SLCO5A1: variants seen among roughly 807,000 people sequenced by gnomAD.
The protein encoded by SLCO5A1 is organic anion transporter polypeptide-related protein 4.
Under a neutral mutation model 65.1 loss-of-function variants are expected in SLCO5A1, and 39 were observed. The ratio of observed to expected loss-of-function variants is 0.60; its 90% confidence interval spans 0.46 to 0.78. The LOEUF (loss-of-function observed/expected upper bound fraction) is 0.78. SLCO5A1 is among the 30% of genes least tolerant of loss of function. The probability of loss-of-function intolerance (pLI) is 0.00; values close to 1 mark genes in which losing one functional copy is unlikely to be tolerated. For missense variants in SLCO5A1, 1,029 were observed against 1,069.4 expected, an observed-to-expected ratio of 0.96 and a Z score of 0.53; for synonymous variants, 438 against 415.7, an observed-to-expected ratio of 1.05 and a Z score of -0.65.
intron 2 of SLCO5A1, among the ~76,000 whole-genome samples, chr8:69,810,842 T>G (rs186820319): frequency 6.6e-6 from 1 of 152,316 alleles, no homozygotes; most frequent in Admixed American, 6.5e-5. Context: ...GAAGACACTA[T>G]GAAACAACCC....
chr8:69,712,447 A>G (rs1318444873), intron 5 of SLCO5A1, among the ~76,000 whole-genome samples: 5 of 152,188 alleles, frequency 3.3e-5, no homozygotes, highest in African/African-American at 1.2e-4. Flanking sequence ...ATTTTTGCCA[A>G]TTTGTATTGT....
At chr8:69,678,067 C>T (rs9298151) in intron 8 of SLCO5A1, among the ~76,000 whole-genome samples, 26,080 of 152,098 alleles carry the variant, frequency 0.17, 2,538 homozygotes, top group South Asian at 0.25. Context: ...AATGTATCAG[C>T]GTGGCAGGCC....
At chr8:69,771,007 G>A (rs1818296762) in intron 2 of SLCO5A1, among the ~76,000 whole-genome samples, 1 of 151,934 alleles carries the variant, frequency 6.6e-6, no homozygotes, top group Non-Finnish European at 1.5e-5. Flanking sequence ...TATTTTAGAT[G>A]GAGTTACACT....
chr8:69,784,753 A>T (rs1371573708), intron 2 of SLCO5A1, among the ~76,000 whole-genome samples: 3 of 150,058 alleles, frequency 2.0e-5, no homozygotes, highest in Non-Finnish European at 4.4e-5. Flanking sequence ...GTGCCACTGC[A>T]CTTCAGCCTG....
intron 2 of SLCO5A1, among the ~76,000 whole-genome samples, chr8:69,780,628 G>T (rs1010579474): frequency 6.6e-5 from 10 of 152,184 alleles, no homozygotes. Flanking sequence ...ACTGTGGAAT[G>T]ATAGAATATG....
At chr8:69,697,077 A>T (rs899486614) in intron 6 of SLCO5A1, among the ~76,000 whole-genome samples, 37 of 151,782 alleles carry the variant, frequency 2.4e-4, no homozygotes, top group Admixed American at 1.9e-3. Flanking sequence ...AAATGAGTTT[A>T]AAAAAAAAGA....
At chr8:69,723,135 T>C (rs1411098615) in intron 5 of SLCO5A1, among the ~76,000 whole-genome samples, 1 of 152,132 alleles carries the variant, frequency 6.6e-6, no homozygotes, top group Non-Finnish European at 1.5e-5. Context: ...TGTAAAGATG[T>C]ATTTGTTTTG....
rs765593261 is a variant in SLCO5A1, at chr8:69,832,719, C to T, written c.-46G>A. On this transcript the variant is annotated 5_prime_UTR_variant, in exon 2 of 10. Transcript: ENST00000260126. This position sits in a 1 kb window ranked among gnomAD's most constrained non-coding sequence, Gnocchi z 4.5. Reference sequence around the variant, plus strand: ...GATAGCTGATGGCACCCAAGCACTCCGGCACGTTTCATCCACCGGCACGAG... The same window carrying T: ...GATAGCTGATGGCACCCAAGCACTCTGGCACGTTTCATCCACCGGCACGAG... 1 of 1,538,114 alleles carries T rather than the reference C, an allele frequency of 6.5e-7. No homozygotes were observed. The highest frequency in any genetic ancestry group is 1.2e-5 in the South Asian group (1 of 81,368).
At chr8:69,783,122 A>G (rs1192922146) in intron 2 of SLCO5A1, among the ~76,000 whole-genome samples, 1 of 152,174 alleles carries the variant, frequency 6.6e-6, no homozygotes, top group East Asian at 1.9e-4. Flanking sequence ...AATGATCATT[A>G]TTGTTACTTC....
Position 69,703,086 on chromosome 8 carries a change from G to A in SLCO5A1, c.1622+1945C>T, listed in dbSNP as rs562422872. ...TGACTGCACCATTGCACTCCAGCCTGGGGGACAGAGAGAGACTCTGTTTCA... is the reference window on the plus strand; with the variant it reads ...TGACTGCACCATTGCACTCCAGCCTAGGGGACAGAGAGAGACTCTGTTTCA... On this transcript the variant is annotated intron_variant, in intron 6 of 9. Transcript: ENST00000260126. 2.0e-5 allele frequency among the ~76,000 whole-genome samples: 3 copies of A among 149,642 alleles called. No individual in the cohort carries two copies. In the East Asian group the frequency reaches 5.9e-4, roughly 29 times the overall value.
At chr8:69,686,408 T>TA in intron 6 of SLCO5A1, among the ~76,000 whole-genome samples, 1 of 152,354 alleles carries the variant, frequency 6.6e-6, no homozygotes, top group South Asian at 2.1e-4. Flanking sequence ...CTTCTTTGGC[T>TA]ATACAGAGCT....
At chr8:69,759,608 G>A (rs1349889179) in intron 3 of SLCO5A1, among the ~76,000 whole-genome samples, 1 of 152,036 alleles carries the variant, frequency 6.6e-6, no homozygotes, top group East Asian at 1.9e-4. Context: ...AGGGGAATAT[G>A]GATTCAGGGT....
At chr8:69,676,732 T>G in intron 8 of SLCO5A1, 59 bp from the exon 9 acceptor site, 1 of 1,484,300 alleles carries the variant, frequency 6.7e-7, no homozygotes, top group Non-Finnish European at 9.4e-7. Context: ...AAAATGAATG[T>G]CAAATCAAGT....
At chr8:69,728,510 A>G (rs964420095) in intron 5 of SLCO5A1, among the ~76,000 whole-genome samples, 3 of 152,232 alleles carry the variant, frequency 2.0e-5, no homozygotes, top group Admixed American at 1.3e-4. Context: ...AACCAAACAG[A>G]GAAGAATTAC....
At chr8:69,691,105 C>T (rs1005063275) in intron 6 of SLCO5A1, among the ~76,000 whole-genome samples, 1 of 152,136 alleles carries the variant, frequency 6.6e-6, no homozygotes, top group African/African-American at 2.4e-5. Context: ...TTTTCATGGT[C>T]AATGCCAGCT....
intron 2 of SLCO5A1, chr8:69,794,584 A>G (rs146710673): frequency 6.3e-6 from 2 of 318,876 alleles, no homozygotes; most frequent in East Asian, 1.6e-4. Flanking sequence ...AAGACCTTAG[A>G]TTACCGGTTT....
Position 69,672,858 on chromosome 8 carries a change from ATT to A in SLCO5A1, c.*9_*10del, listed in dbSNP as rs757327087. Reference sequence around the variant, plus strand: ...TCAACCAACAAAACTAAATTCTTCCATTTTCAAGCTTCAGGAGGGCGGCTCCA... The same window carrying A: ...TCAACCAACAAAACTAAATTCTTCCATTCAAGCTTCAGGAGGGCGGCTCCA... On this transcript the variant is annotated 3_prime_UTR_variant, in exon 10 of 10. Transcript: ENST00000260126. The A allele has an allele frequency of 6.3e-6, 10 of 1,580,888 alleles. 1 individual carries two copies. The South Asian group carries it at 1.1e-4, about 18-fold the overall frequency.
chr8:69,823,981 A>G (rs907249595), intron 2 of SLCO5A1, among the ~76,000 whole-genome samples: 18 of 152,212 alleles, frequency 1.2e-4, no homozygotes, highest in African/African-American at 4.1e-4. Context: ...CTCACTCAAA[A>G]CTGCTCCACT....
chr8:69,672,598 G>A lies in SLCO5A1; in HGVS notation c.*271C>T. 4.4e-6 allele frequency: 2 copies of A among 457,118 alleles called. No individual in the cohort carries two copies. The highest frequency in any genetic ancestry group is 7.8e-6 in the Non-Finnish European group (2 of 255,412). The allele number at this position is 457,118 out of a possible 1,614,324, so 28.3% of individuals were successfully genotyped here. ...CTAACCGTGTACCTCAGCCTGTACC[G>A]TAGGGGAGCATGAGCTTTGAATTAA... On this transcript the variant is annotated 3_prime_UTR_variant, in exon 10 of 10. Transcript: ENST00000260126.
Sources: gnomAD v4.1 joint callset for allele counts (sites outside exome capture counted in the v4.1 genomes callset) on GRCh38, gnomAD v4.1.1 for gene constraint, Gnocchi (gnomAD v3.1) non-coding constraint, MANE v1.5 for transcripts, NCBI Gene and HGNC (gene_info 2026-07-23, HGNC 2026-07-21) for gene names.